FAM76B: variants seen among roughly 807,000 people sequenced by gnomAD.
The protein encoded by FAM76B is protein FAM76B.
Under a neutral mutation model 51.8 loss-of-function variants are expected in FAM76B, and 16 were observed. The ratio of observed to expected loss-of-function variants is 0.31; its 90% confidence interval spans 0.21 to 0.47. The LOEUF is 0.47. Among genes scored for constraint, FAM76B ranks in the 20% least tolerant of loss-of-function variants. The pLI is 1.00. For missense variants in FAM76B, 342 were observed against 392.6 expected (o/e 0.87, Z 1.09); for synonymous variants, 166 against 129.5 (o/e 1.28, Z -1.91).
intron 4 of FAM76B, among the ~76,000 whole-genome samples, chr11:95,785,604 A>G (rs1166980379): frequency 6.6e-6 from 1 of 152,212 alleles, no homozygotes; most frequent in African/African-American, 2.4e-5. Context: ...CTCCAAATCA[A>G]CTAAAATTGA....
intron 8 of FAM76B, 138 bp downstream of exon 8, chr11:95,778,684 G>C: frequency 9.2e-7 from 1 of 1,090,408 alleles, no homozygotes; most frequent in African/African-American, 1.6e-5. Context: ...TGGCTTCAGG[G>C]GCTTTTGTAA....
At chr11:95,779,560 A>G (rs914351192) in intron 7 of FAM76B, 47 bp downstream of exon 7, 2 of 1,505,830 alleles carry the variant, frequency 1.3e-6, no homozygotes, top group Admixed American at 1.9e-5. Flanking sequence ...AACCATAACT[A>G]TTCAACTAAG....
intron 8 of FAM76B, among the ~76,000 whole-genome samples, chr11:95,778,482 C>T (rs1162332655): frequency 6.6e-6 from 1 of 151,488 alleles, no homozygotes; most frequent in Non-Finnish European, 1.5e-5. Context: ...AAAGACTGTT[C>T]AAACTACATT....
chr11:95,782,968 G>A, intron 5 of FAM76B, 97 bp downstream of exon 5: 5 of 1,467,154 alleles, frequency 3.4e-6, no homozygotes, highest in Non-Finnish European at 3.7e-6. Context: ...ATGGAAACTA[G>A]ACTAGCACAT....
chr11:95,788,402 T>C, intron 2 of FAM76B, 97 bp downstream of exon 2: 2 of 1,030,998 alleles, frequency 1.9e-6, no homozygotes, highest in Non-Finnish European at 2.9e-6. Context: ...AACCATTTTT[T>C]AAAAATACTT....
At chr11:95,779,845 C>A (rs1330062611) in intron 6 of FAM76B, 34 bp downstream of exon 6, 22 of 1,587,094 alleles carry the variant, frequency 1.4e-5, no homozygotes, top group Non-Finnish European at 1.9e-5. Flanking sequence ...ATATACATTT[C>A]AAAATACTTC....
Position 95,789,671 on chromosome 11 carries a change from G to A in FAM76B, c.-193C>T. ...ACCGTCTCCCTCCGCCTCCACTTCCGCCCCAGCCCACCCAGTGACGCCGTG... is the reference window on the plus strand; with the variant it reads ...ACCGTCTCCCTCCGCCTCCACTTCCACCCCAGCCCACCCAGTGACGCCGTG... On this transcript the variant is annotated 5_prime_UTR_variant, in exon 1 of 10. Coordinates refer to ENST00000358780, the MANE Select transcript of FAM76B (RefSeq NM_144664.5). The A allele has an allele frequency of 1.9e-6, 1 of 518,556 alleles. No individual in the cohort carries two copies. Among genetic ancestry groups the A allele is most frequent in the Non-Finnish European group, 3.4e-6 (1 of 298,384 alleles). The allele number at this position is 518,556 out of a possible 1,614,324, so 32.1% of individuals were successfully genotyped here. A position where few individuals can be genotyped will look rare whatever the true frequency, so the allele number is the denominator to read the frequency against.
Position 95,783,455 on chromosome 11 carries a change from G to C in FAM76B, c.364-191C>G, listed in dbSNP as rs141684078. 6.1e-3 allele frequency among the ~76,000 whole-genome samples: 934 copies of C among 152,254 alleles called. 3 individuals are homozygous for C. The highest frequency in any genetic ancestry group is 6.7e-3 in the Non-Finnish European group (456 of 67,996). ...TTTTCTGAAACTTGAGAAAATACTT[G>C]TTAGGAGAATTATAAAACTGATGAG... On this transcript the variant is annotated intron_variant, in intron 4 of 9. Transcript: ENST00000358780.
At chr11:95,779,776 G>T in intron 6 of FAM76B, 89 bp from the exon 7 acceptor site, 2 of 1,555,552 alleles carry the variant, frequency 1.3e-6, no homozygotes, top group South Asian at 2.4e-5. Flanking sequence ...AAATATTACT[G>T]AAAATACTGA....
Position 95,769,524 on chromosome 11 carries a change from A to T in FAM76B, c.*2037T>A, listed in dbSNP as rs1313908741. On this transcript the variant is annotated 3_prime_UTR_variant, in exon 10 of 10. Coordinates refer to ENST00000358780, the MANE Select transcript of FAM76B (RefSeq NM_144664.5). ...AGCTAATATTAATATTCAACTTTTT[A>T]ATTTTGATGTTAGCTAAGGGGAAGG... The T allele has an allele frequency of 6.6e-6, 1 of 152,142 alleles. No homozygotes were observed. Among genetic ancestry groups the T allele is most frequent in the East Asian group, 1.9e-4 (1 of 5,198 alleles). 9.4% of individuals were successfully genotyped at this position (152,142 alleles called of 1,614,324 possible).
At chr11:95,782,970 C>T (rs1860354653) in intron 5 of FAM76B, 95 bp downstream of exon 5, 1 of 1,486,788 alleles carries the variant, frequency 6.7e-7, no homozygotes, top group African/African-American at 1.4e-5. Flanking sequence ...GGAAACTAGA[C>T]TAGCACATAG....
At chr11:95,779,558 C>G in intron 7 of FAM76B, 49 bp downstream of exon 7, 1 of 1,462,612 alleles carries the variant, frequency 6.8e-7, no homozygotes, top group African/African-American at 1.4e-5. Context: ...TCAACCATAA[C>G]TATTCAACTA....
At chr11:95,785,543 T>C (rs1860524239) in intron 4 of FAM76B, among the ~76,000 whole-genome samples, 3 of 152,230 alleles carry the variant, frequency 2.0e-5, no homozygotes, top group African/African-American at 7.2e-5. Context: ...TAATGGGATA[T>C]GTACATTGCT....
chr11:95,781,797 G>A (rs1357794512), intron 5 of FAM76B, among the ~76,000 whole-genome samples: 1 of 152,090 alleles, frequency 6.6e-6, no homozygotes, highest in Non-Finnish European at 1.5e-5. Context: ...ACACTGCATT[G>A]TAGTCTACCA....
chr11:95,780,057 T>C (rs1358258613), intron 5 of FAM76B, 131 bp from the exon 6 acceptor site: 1 of 774,812 alleles, frequency 1.3e-6, no homozygotes, highest in African/African-American at 1.8e-5. Context: ...TATTTAAGTT[T>C]TCAGACTAAG....
chr11:95,788,469 T>C, intron 2 of FAM76B, 30 bp downstream of exon 2: 1 of 1,526,984 alleles, frequency 6.5e-7, no homozygotes, highest in Non-Finnish European at 9.1e-7. Flanking sequence ...CACTTGTCTT[T>C]AACAGTCAAA....
intron 5 of FAM76B, 33 bp downstream of exon 5, chr11:95,783,032 G>A (rs762837875): frequency 3.7e-6 from 6 of 1,607,506 alleles, no homozygotes; most frequent in Non-Finnish European, 5.1e-6. Context: ...ATGCAAGGAA[G>A]AGTTTTAGAA....
At chr11:95,774,468 C>G (rs188532646) in intron 9 of FAM76B, among the ~76,000 whole-genome samples, 1 of 151,336 alleles carries the variant, frequency 6.6e-6, no homozygotes, top group South Asian at 2.1e-4. Context: ...AACACACAAA[C>G]TGCTCTTTTG....
At chr11:95,777,911 G>A (rs552293559) in intron 8 of FAM76B, among the ~76,000 whole-genome samples, 16 of 151,486 alleles carry the variant, frequency 1.1e-4, no homozygotes, top group Non-Finnish European at 2.4e-4. Context: ...TACATTGTCT[G>A]GGACCATAAA....
Sources: gnomAD v4.1 joint callset for allele counts (sites outside exome capture counted in the v4.1 genomes callset) on GRCh38, gnomAD v4.1.1 for gene constraint, MANE v1.5 for transcripts, NCBI Gene and HGNC (gene_info 2026-07-23, HGNC 2026-07-21) for gene names.